The following NEBL variants were observed in gnomAD, a reference collection of about 807,000 sequenced individuals.
NEBL encodes the protein LIM and SH3 protein 2.
Under a neutral mutation model 140.2 loss-of-function variants are expected in NEBL, and 122 were observed. The ratio of observed to expected loss-of-function variants is 0.87; its 90% CI spans 0.75 to 1.01. The LOEUF (loss-of-function observed/expected upper bound fraction) is 1.01. Among genes scored for constraint, NEBL ranks in the 50% least tolerant of loss-of-function variants. The pLI is 0.00. For synonymous variants in NEBL, 436 were observed against 398.9 expected (o/e 1.09, Z -1.11); for missense variants, 1,365 against 1,231.3 (o/e 1.11, Z -1.62).
At chr10:20,902,088 C>T (rs1171458883), upstream of NEBL, among the ~76,000 whole-genome samples, 3 of 152,004 alleles carry the variant, frequency 2.0e-5, no homozygotes, top group Non-Finnish European at 4.4e-5. Flanking sequence ...CATGTGTCAC[C>T]ATGACCAAGT....
intron 13 of NEBL, among the ~76,000 whole-genome samples, chr10:20,839,338 C>T (rs1207020525): frequency 6.6e-6 from 1 of 152,146 alleles, no homozygotes; most frequent in African/African-American, 2.4e-5. Context: ...GAAGAATTTG[C>T]AGAAAATGAC....
chr10:20,911,942 T>C (rs150454615), intron 4 of NEBL, among the ~76,000 whole-genome samples: 47 of 152,356 alleles, frequency 3.1e-4, no homozygotes, highest in Non-Finnish European at 6.0e-4. Context: ...AAAAATTTCT[T>C]GGCAGTTTGA....
At position 20,883,671 on chromosome 10, in the gene NEBL, A is replaced by G. The variant is rs568371937; in HGVS notation, c.370-2767T>C. Among the ~76,000 whole-genome samples, 6 of 152,286 alleles carry G rather than the reference A, an allele frequency of 3.9e-5. No homozygotes were observed. In the East Asian group the frequency reaches 9.7e-4, roughly 25 times the overall value. On this transcript the variant is annotated intron_variant, in intron 4 of 27. Coordinates refer to ENST00000377122, the MANE Select transcript of NEBL (RefSeq NM_006393.3). Reference sequence around the variant, plus strand: ...TTCATGGTTGCCTGGTTTATTTTGTACTTTAGACCTACTAACATATACTTG... The same window carrying G: ...TTCATGGTTGCCTGGTTTATTTTGTGCTTTAGACCTACTAACATATACTTG...
intron 18 of NEBL, among the ~76,000 whole-genome samples, chr10:20,825,717 G>A (rs978253838): frequency 4.0e-5 from 6 of 151,552 alleles, no homozygotes; most frequent in African/African-American, 1.2e-4. Flanking sequence ...ATATCAAATT[G>A]GTAAGGAGAG....
chr10:21,061,342 A>AAC (rs1835286800), intron 2 of NEBL, among the ~76,000 whole-genome samples: 16 of 149,016 alleles, frequency 1.1e-4, no homozygotes, highest in African/African-American at 2.7e-4. Context: ...TGTGATATGT[A>AAC]ATATGTTACA....
At chr10:20,793,066 T>G (rs1393900287) in intron 26 of NEBL, among the ~76,000 whole-genome samples, 1 of 152,148 alleles carries the variant, frequency 6.6e-6, no homozygotes, top group African/African-American at 2.4e-5. Flanking sequence ...CAGAAACCCC[T>G]TTTCCTTCCC....
intron 3 of NEBL, among the ~76,000 whole-genome samples, chr10:21,227,711 T>TTCTTCTTTCTTCTTC (rs1456600511): frequency 4.7e-4 from 22 of 46,382 alleles, no homozygotes; most frequent in Admixed American, 9.6e-4. Flanking sequence ...CTTCTTCTTC[T>TTCTTCTTTCTTCTTC]TTCTTCTTCT....
intron 1 of NEBL, among the ~76,000 whole-genome samples, chr10:21,287,822 A>G (rs1843078795): frequency 6.6e-6 from 1 of 152,178 alleles, no homozygotes; most frequent in South Asian, 2.1e-4. Context: ...AATAGAAGAG[A>G]TGGAAAAAGG....
chr10:20,905,967 T>C (rs1224047436), intron 4 of NEBL, among the ~76,000 whole-genome samples: 1 of 152,206 alleles, frequency 6.6e-6, no homozygotes, highest in African/African-American at 2.4e-5. Context: ...CCACAGCTTC[T>C]CTATTCCCTT....
chr10:21,081,356 C>T (rs1251664443), intron 2 of NEBL, among the ~76,000 whole-genome samples: 1 of 152,058 alleles, frequency 6.6e-6, no homozygotes, highest in South Asian at 2.1e-4. Flanking sequence ...AGGCAGTCAG[C>T]CATGGGGATG....
chr10:20,830,480 C>A (rs1378257729), intron 16 of NEBL, among the ~76,000 whole-genome samples: 1 of 152,054 alleles, frequency 6.6e-6, no homozygotes, highest in Non-Finnish European at 1.5e-5. Flanking sequence ...TCTCCCACAT[C>A]CAGCTTTGTT....
At chr10:20,983,593 A>T (rs1471176755) in intron 3 of NEBL, among the ~76,000 whole-genome samples, 1 of 152,246 alleles carries the variant, frequency 6.6e-6, no homozygotes, top group East Asian at 1.9e-4. Context: ...ATAGGTATTC[A>T]CAAGCATCCA....
intron 3 of NEBL, among the ~76,000 whole-genome samples, chr10:21,207,491 A>C (rs1174373906): frequency 6.6e-6 from 1 of 152,002 alleles, no homozygotes; most frequent in Non-Finnish European, 1.5e-5. Flanking sequence ...CAAAACCCAG[A>C]TTTGGTTTTT....
At chr10:21,034,591 T>C (rs988088486) in intron 2 of NEBL, among the ~76,000 whole-genome samples, 2 of 152,230 alleles carry the variant, frequency 1.3e-5, no homozygotes, top group Non-Finnish European at 2.9e-5. Context: ...AAAAGCAATT[T>C]CAACAGACTA....
Position 20,780,003 on chromosome 10 carries a change from T to A in NEBL, c.*5744A>T, listed in dbSNP as rs933779458. ...AAGAAGTGTTTATTCTACGAGCAGA[T>A]GTCATCCGCAAAGTTTATCAATTTA... On this transcript the variant is annotated 3_prime_UTR_variant, in exon 28 of 28. Transcript: ENST00000377122. 5 of 152,168 alleles carry A rather than the reference T, an allele frequency of 3.3e-5. No homozygotes were observed. The highest frequency in any genetic ancestry group is 9.7e-5 in the African/African-American group (4 of 41,434). The allele number at this position is 152,168 out of a possible 1,614,324, so 9.4% of individuals were successfully genotyped here. A position where few individuals can be genotyped will look rare whatever the true frequency, so the allele number is the denominator to read the frequency against.
chr10:20,954,930 C>G (rs1440339131), intron 4 of NEBL, among the ~76,000 whole-genome samples: 1 of 152,176 alleles, frequency 6.6e-6, no homozygotes, highest in Non-Finnish European at 1.5e-5. Flanking sequence ...GGCTAGAGGT[C>G]TCAGCTAGCA....
chr10:20,822,658 T>A (rs1448996577), intron 19 of NEBL, among the ~76,000 whole-genome samples: 1 of 89,776 alleles, frequency 1.1e-5, no homozygotes, highest in East Asian at 5.4e-4. Context: ...AGGCTATATA[T>A]AGATATATAG....
rs61849674 is a variant in NEBL at position 21,012,496 on chromosome 10, G to A, written c.249+7621C>T. Among the ~76,000 whole-genome samples, 305 of 152,050 alleles carry A rather than the reference G, an allele frequency of 2.0e-3. 2 individuals carry two copies. The highest frequency in any genetic ancestry group is 3.1e-3 in the Non-Finnish European group (213 of 67,984). ...TGCCTCAGCCTCCTAAGTAGCTGGG[G>A]CTACAAGCATGAGCCACCATGCCTA... is the stretch of plus-strand genomic sequence containing the variant. On this transcript the variant is annotated intron_variant, in intron 3 of 6. Transcript: ENST00000417816.
chr10:20,785,735 A>T lies in NEBL; in HGVS notation c.*12T>A. 6.2e-7 allele frequency: 1 copy of T among 1,612,546 alleles called. No homozygotes were observed. The highest frequency in any genetic ancestry group is 1.1e-5 in the South Asian group (1 of 90,878). On this transcript the variant is annotated 3_prime_UTR_variant, in exon 28 of 28. Transcript: ENST00000377122. ...TACATTAGAATAAAGCTCAAAGGGC[A>T]GGGAGAAATAATTAATTAACAAACT... is the stretch of plus-strand genomic sequence containing the variant.
Sources: allele counts gnomAD v4.1 joint callset (sites outside exome capture counted in the v4.1 genomes callset), GRCh38; gene constraint gnomAD v4.1.1; transcripts MANE v1.5; gene names NCBI Gene and HGNC (gene_info 2026-07-23, HGNC 2026-07-21).